Variants in ADAP1 observed in about 807,000 individuals in gnomAD.
The protein encoded by ADAP1 is ArfGAP with dual PH domains 1.
In ADAP1, 31 loss-of-function variants were observed where a neutral mutation model predicts 54.9. The ratio of observed to expected loss-of-function variants is 0.56; its 90% CI spans 0.42 to 0.76. The LOEUF (loss-of-function observed/expected upper bound fraction) is 0.76, where lower values mean the gene tolerates loss of function less well. Among genes scored for constraint, ADAP1 ranks in the 30% least tolerant of loss-of-function variants. The pLI is 0.00. For missense variants in ADAP1, 535 were observed against 512.4 expected, an observed-to-expected ratio of 1.04 and a Z score of -0.42; for synonymous variants, 313 against 202.6, an observed-to-expected ratio of 1.55 and a Z score of -4.63.
intron 6 of ADAP1, among the ~76,000 whole-genome samples, chr7:902,092 G>A (rs532161611): frequency 3.3e-5 from 5 of 151,986 alleles, no homozygotes; most frequent in African/African-American, 1.2e-4. Context: ...CTGGGCGGGG[G>A]GAATTATCTT....
chr7:936,776 C>A (rs1233052828), intron 1 of ADAP1, among the ~76,000 whole-genome samples: 2 of 152,204 alleles, frequency 1.3e-5, no homozygotes, highest in African/African-American at 4.8e-5. Context: ...TGGTGGAAAT[C>A]GAGGCGCTTC....
chr7:948,535 G>T (rs1270190855), intron 1 of ADAP1, among the ~76,000 whole-genome samples: 1 of 151,932 alleles, frequency 6.6e-6, no homozygotes, highest in Non-Finnish European at 1.5e-5. Context: ...GCATCTCCAG[G>T]TGCCACGACC....
At position 945,521 on chromosome 7, in the gene ADAP1, C is replaced by T. The variant is rs574611722; in HGVS notation, c.82+8875G>A. ...GAGTCAGCACCCACGGCCTGTGGTG[C>T]CCCCAGAACAGGCCACAAGGCCAGC... On this transcript the variant is annotated intron_variant, in intron 1 of 10. Transcript: ENST00000265846. The surrounding 1 kb of genome is among the most constrained non-coding windows in gnomAD (Gnocchi z 4.2). 6.6e-6 allele frequency among the ~76,000 whole-genome samples: 1 copy of T among 152,324 alleles called. No individual in the cohort carries two copies. The highest frequency in any genetic ancestry group is 6.5e-5 in the Admixed American group (1 of 15,302).
chr7:933,366 C>A (rs1158285078), intron 2 of ADAP1, among the ~76,000 whole-genome samples: 3 of 152,172 alleles, frequency 2.0e-5, no homozygotes, highest in Admixed American at 6.5e-5. Flanking sequence ...CTGGTCGAGG[C>A]ACTGGGATCC....
intron 4 of ADAP1, among the ~76,000 whole-genome samples, chr7:916,853 G>C (rs945811685): frequency 1.3e-5 from 2 of 152,186 alleles, no homozygotes; most frequent in African/African-American, 4.8e-5. Flanking sequence ...CAGGCCTGGG[G>C]CAGCCTCCCA....
intron 5 of ADAP1, among the ~76,000 whole-genome samples, chr7:904,493 G>A (rs1844994179): frequency 6.6e-6 from 1 of 152,142 alleles, no homozygotes; most frequent in Non-Finnish European, 1.5e-5. Flanking sequence ...CTGTGCAGGT[G>A]GCACTTGACA....
chr7:905,245 GGACAGAGGGGACATGGGGAGAA>G, intron 4 of ADAP1, 73 bp from the exon 5 acceptor site: 1 of 1,104,662 alleles, frequency 9.1e-7, no homozygotes, highest in Non-Finnish European at 1.3e-6. Context: ...ACGATGGACA[GGACAGAGGGGACATGGGGAGAA>G]GACACGGGGG....
intron 8 of ADAP1, 35 bp from the exon 9 acceptor site, chr7:899,525 G>T (rs191229722): frequency 1.3e-6 from 2 of 1,598,478 alleles, no homozygotes; most frequent in East Asian, 2.3e-5. Flanking sequence ...CCGGCAGGTC[G>T]CCGAGGCAGG....
At position 906,235 on chromosome 7, in the gene ADAP1, AG is replaced by A. The variant is rs1583133107; in HGVS notation, c.389-1064del. The stretch of plus-strand genomic sequence containing the variant: ...AAGGAGAAAGGGAAAGGAGAAAGGG[AG>A]AAAGGAGAAAGGGAGAAAGGAGAAA... On this transcript the variant is annotated intron_variant, in intron 4 of 10. Transcript: ENST00000265846. 3.2e-3 allele frequency among the ~76,000 whole-genome samples: 2 copies of A among 630 alleles called. 1 individual carries two copies. The highest frequency in any genetic ancestry group is 5.5e-3 in the Non-Finnish European group (2 of 362). 0.4% of individuals were successfully genotyped at this position (630 alleles called of 152,430 possible). A position where few individuals can be genotyped will look rare whatever the true frequency, so the allele number is the denominator to read the frequency against.
rs1554270300 is a variant in ADAP1, at chr7:900,631, G to GGGCAAAGGCA, written c.649-16_649-15insTGCCTTTGCC. 2.7e-6 allele frequency: 4 copies of GGGCAAAGGCA among 1,508,438 alleles called. No homozygotes were observed. The highest frequency in any genetic ancestry group is 1.6e-5 in the African/African-American group (1 of 60,700). The allele number at this position is 1,508,438 out of a possible 1,614,324, so 93.4% of individuals were successfully genotyped here. On this transcript the variant is annotated splice_polypyrimidine_tract_variant and intron_variant, in intron 6 of 10. Transcript: ENST00000265846. ...TCCACAATCTCCTAGGGGCAAAGGT[G>GGGCAAAGGCA]GGCACAGGCTTGGGCTGAGGAGGCT... is the stretch of plus-strand genomic sequence containing the variant.
intron 3 of ADAP1, among the ~76,000 whole-genome samples, chr7:922,347 C>A (rs1846220724): frequency 6.6e-6 from 1 of 152,196 alleles, no homozygotes; most frequent in South Asian, 2.1e-4. Flanking sequence ...GGTGGGTCCC[C>A]TCAACGCAGA....
chr7:942,054 A>G (rs140774257), intron 1 of ADAP1, among the ~76,000 whole-genome samples: 1 of 152,340 alleles, frequency 6.6e-6, no homozygotes, highest in African/African-American at 2.4e-5. Flanking sequence ...AGAGCGAACA[A>G]TCTTTCCTAC....
In ADAP1 at chr7:899,419, C is replaced by T. The variant is rs1844670272; in HGVS notation, c.867G>A (p.Leu289=). ...TGCTGGGGCCACAGCTCCTCCTTAC[C>T]AGGGGGTCTTTGAAGTACATGAGCC... The part of the protein sequence containing the change: ...DRRLMYFKDP[L]DAFARGEVFI... The change falls in exon 9 of 11, where the codon CTG becomes CTA. Residue 289 remains leucine (L), a splice_region_variant and synonymous_variant. Transcript: ENST00000265846. The T allele has an allele frequency of 1.2e-6, 2 of 1,613,068 alleles. No individual in the cohort carries two copies. The highest frequency in any genetic ancestry group is 2.2e-5 in the South Asian group (2 of 91,086).
intron 3 of ADAP1, among the ~76,000 whole-genome samples, chr7:925,161 C>A (rs1287771405): frequency 3.3e-5 from 5 of 152,092 alleles, no homozygotes; most frequent in African/African-American, 1.2e-4. Flanking sequence ...CTCGTGACCC[C>A]AATAACAAAT....
rs533837169 is a variant in ADAP1, at chr7:914,813, C to T, written c.388+5155G>A. Among the ~76,000 whole-genome samples, 39 of 152,282 alleles carry T rather than the reference C, an allele frequency of 2.6e-4. No individual in the cohort carries two copies. The East Asian group carries it at 7.0e-3, about 27-fold the overall frequency. On this transcript the variant is annotated intron_variant, in intron 4 of 10. Transcript: ENST00000265846. The stretch of plus-strand genomic sequence containing the variant: ...AGCCTGGAGCACAGACAGTCACCGC[C>T]TGCTGGTCCCCAGGCACTTGGCCGT...
chr7:900,883 A>AGGCCGGGCCGGGCCGGGCCGGGCC (rs1554270395), intron 6 of ADAP1: 12 of 393,144 alleles, frequency 3.1e-5, no homozygotes, highest in African/African-American at 2.8e-4. Context: ...GAAGGGCCGA[A>AGGCCGGGCCGGGCCGGGCCGGGCC]GGGCCGGGCC....
intron 4 of ADAP1, among the ~76,000 whole-genome samples, chr7:916,409 G>T (rs777832937): frequency 5.3e-5 from 8 of 152,134 alleles, no homozygotes; most frequent in Non-Finnish European, 1.0e-4. Flanking sequence ...ACAACCAGAG[G>T]GTTCTGATAC....
chr7:912,969 G>T (rs1297176999), intron 4 of ADAP1, among the ~76,000 whole-genome samples: 2 of 151,482 alleles, frequency 1.3e-5, no homozygotes, highest in Non-Finnish European at 2.9e-5. Flanking sequence ...CCACCTCAGT[G>T]TCCTGAGTAG....
Position 900,563 on chromosome 7 carries a change from C to T in ADAP1, c.702G>A (p.Gln234=). The part of the protein sequence containing the change: ...ALRAARFHYL[Q]VAFPGAGDAD... ...CGTCGCCGGCCCCTGGGAATGCCACCTGCAGGTAGTGGAAGCGAGCAGCTC... is the reference window on the plus strand; with the variant it reads ...CGTCGCCGGCCCCTGGGAATGCCACTTGCAGGTAGTGGAAGCGAGCAGCTC... The change falls in exon 7 of 11, where the codon CAG becomes CAA. Residue 234 remains glutamine (Q), a synonymous_variant. Coordinates refer to ENST00000265846, the MANE Select transcript of ADAP1 (RefSeq NM_006869.4). 1 of 1,611,502 alleles carries T rather than the reference C, an allele frequency of 6.2e-7. No homozygotes were observed. Among genetic ancestry groups the T allele is most frequent in the Non-Finnish European group, 8.5e-7 (1 of 1,179,354 alleles).
Sources: gnomAD v4.1 joint callset for allele counts (sites outside exome capture counted in the v4.1 genomes callset) on GRCh38, gnomAD v4.1.1 for gene constraint, Gnocchi (gnomAD v3.1) non-coding constraint, MANE v1.5 for transcripts, NCBI Gene and HGNC (gene_info 2026-07-23, HGNC 2026-07-21) for gene names.